Variants in PIWIL1 observed in about 807,000 individuals in gnomAD.
PIWIL1 encodes the protein piwi like RNA-mediated gene silencing 1, also known as piwi-like protein 1.
A neutral mutation model predicts 114.4 loss-of-function variants in PIWIL1; 73 were observed. The ratio of observed to expected loss-of-function variants is 0.64; its 90% CI spans 0.53 to 0.78. The LOEUF is 0.78. Among genes scored for constraint, PIWIL1 ranks in the 30% least tolerant of loss-of-function variants. The pLI, the probability that PIWIL1 is intolerant of heterozygous loss-of-function variation, is 0.00. For synonymous variants in PIWIL1, 375 were observed against 369.0 expected, an observed-to-expected ratio of 1.02 and a Z score of -0.19; for missense variants, 723 against 1,063.1, an observed-to-expected ratio of 0.68 and a Z score of 4.45.
chr12:130,360,990 A>G (rs2073494003), intron 14 of PIWIL1, among the ~76,000 whole-genome samples, 190 bp from the exon 15 acceptor site: 1 of 152,210 alleles, frequency 6.6e-6, no homozygotes, highest in Non-Finnish European at 1.5e-5. Flanking sequence ...TGCAATTATC[A>G]TTTAGTTGAA....
At chr12:130,391,321 C>T in the PIWIL1 span, among the ~76,000 whole-genome samples, 1 of 152,202 alleles carries the variant, frequency 6.6e-6, no homozygotes, top group South Asian at 2.1e-4. Context: ...TGGGGCCGTG[C>T]TCTCTCTCCT....
At chr12:130,395,295 C>CGAT in the PIWIL1 span, among the ~76,000 whole-genome samples, 1 of 152,170 alleles carries the variant, frequency 6.6e-6, no homozygotes. Flanking sequence ...TGGTTTTTCT[C>CGAT]TTATCATCAC....
At position 130,357,562 on chromosome 12, in the gene PIWIL1, C is replaced by T; in HGVS notation, c.1665+9C>T. On this transcript the variant is annotated intron_variant, in intron 14 of 20. Coordinates refer to ENST00000245255, the MANE Select transcript of PIWIL1 (RefSeq NM_004764.5). ...CAGCAGACACCCAGATAGTAAGTAA[C>T]TAATTGACATATAGGCAGTTTTCGG... 5.7e-6 allele frequency: 9 copies of T among 1,589,942 alleles called. No individual in the cohort carries two copies. Among genetic ancestry groups the T allele is most frequent in the Non-Finnish European group, 6.9e-6 (8 of 1,158,390 alleles).
At chr12:130,356,834 C>A in intron 12 of PIWIL1, 84 bp from the exon 13 acceptor site, 2 of 924,204 alleles carry the variant, frequency 2.2e-6, no homozygotes, top group Non-Finnish European at 3.2e-6. Context: ...TCAAAATATG[C>A]CATGGTAGAA....
chr12:130,414,081 G>A, the PIWIL1 span: 3 of 1,601,352 alleles, frequency 1.9e-6, no homozygotes, highest in South Asian at 1.1e-5. Context: ...ACCCAGACCC[G>A]CCTCAGGGGC....
chr12:130,382,415 A>G, the PIWIL1 span, among the ~76,000 whole-genome samples: 7 of 152,128 alleles, frequency 4.6e-5, no homozygotes, highest in African/African-American at 1.7e-4. Context: ...AAATACTTCA[A>G]CAAAAATTCC....
chr12:130,412,680 C>T, the PIWIL1 span: 1 of 1,613,924 alleles, frequency 6.2e-7, no homozygotes, highest in Non-Finnish European at 8.5e-7. Context: ...GATCCATCAT[C>T]TCCTCATCAT....
At chr12:130,388,570 T>C in the PIWIL1 span, among the ~76,000 whole-genome samples, 1 of 152,196 alleles carries the variant, frequency 6.6e-6, no homozygotes, top group African/African-American at 2.4e-5. Context: ...CGATTTTAGG[T>C]TTTACCATCC....
the PIWIL1 span, chr12:130,414,145 T>C: frequency 6.2e-7 from 1 of 1,614,110 alleles, no homozygotes; most frequent in Non-Finnish European, 8.5e-7. Flanking sequence ...TGGCCTTCTT[T>C]AAAGGGAAGC....
rs1284087233 is a variant in PIWIL1 at position 130,372,303 on chromosome 12, A to G, written c.*705A>G. ...GGGACATGATTCTATTTGTTATAAA[A>G]TAAAATTGATGTGATTGTCACCTTA... On this transcript the variant is annotated 3_prime_UTR_variant, in exon 21 of 21. Transcript: ENST00000245255. 1.3e-5 allele frequency: 2 copies of G among 152,236 alleles called. No homozygotes were observed. The highest frequency in any genetic ancestry group is 2.9e-5 in the Non-Finnish European group (2 of 68,034). 9.4% of individuals were successfully genotyped at this position (152,236 alleles called of 1,614,324 possible).
intron 1 of PIWIL1, among the ~76,000 whole-genome samples, chr12:130,338,457 C>T (rs1194022896): frequency 8.2e-5 from 2 of 24,478 alleles, no homozygotes; most frequent in East Asian, 9.8e-4. Flanking sequence ...ATGCAGGAGC[C>T]GGGTGCGGGG....
intron 1 of PIWIL1, among the ~76,000 whole-genome samples, chr12:130,338,746 G>C (rs2072795671): frequency 1.5e-5 from 2 of 137,804 alleles, no homozygotes; most frequent in Admixed American, 1.4e-4. Context: ...GGGAGATGCA[G>C]GAGCCTGGGG....
downstream of PIWIL1, among the ~76,000 whole-genome samples, chr12:130,374,910 C>T (rs761662812): frequency 1.3e-5 from 2 of 152,300 alleles, no homozygotes; most frequent in South Asian, 2.1e-4. Context: ...TTAACAAACT[C>T]GGCTTTCTCC....
At chr12:130,424,968 G>A in the PIWIL1 span, 5,153 of 570,672 alleles carry the variant, frequency 9.0e-3, 236 homozygotes, top group African/African-American at 0.09. The surrounding 1 kb of genome is among the most constrained non-coding windows in gnomAD (Gnocchi z 9.8). Context: ...TGGAGGCACC[G>A]AGGGGGGGGA....
At chr12:130,349,721 T>C in intron 8 of PIWIL1, 135 bp from the exon 9 acceptor site, 3 of 608,068 alleles carry the variant, frequency 4.9e-6, no homozygotes, top group Non-Finnish European at 8.6e-6. Flanking sequence ...TAAGAAACCC[T>C]GTTCCTTCTT....
intron 18 of PIWIL1, among the ~76,000 whole-genome samples, chr12:130,364,451 G>A (rs1313484474): frequency 6.6e-6 from 1 of 152,196 alleles, no homozygotes; most frequent in Admixed American, 6.5e-5. Flanking sequence ...CACACAATAA[G>A]TGTTTATCCC....
the PIWIL1 span, among the ~76,000 whole-genome samples, chr12:130,417,539 A>G: frequency 2.0e-5 from 3 of 152,210 alleles, no homozygotes; most frequent in Non-Finnish European, 4.4e-5. Flanking sequence ...CCACATAGAC[A>G]CGAAGATGGG....
chr12:130,426,241 A>G, the PIWIL1 span: 1 of 152,002 alleles, frequency 6.6e-6, no homozygotes, highest in African/African-American at 2.4e-5. Context: ...TGTAATTTCT[A>G]AAGAGAACCC....
rs776454826 is a variant in PIWIL1 at position 130,354,922 on chromosome 12, G to C, written c.1206G>C (p.Val402=). The part of the protein sequence containing the change: ...LTDKMRNDFN[V]MKDLAVHTRL... ...ATAAAATGCGTAATGATTTTAACGT[G>C]ATGAAAGACTTAGCCGTTCATACAA... is the stretch of plus-strand genomic sequence containing the variant. The change falls in exon 11 of 21, where the codon GTG becomes GTC. Residue 402 remains valine (V), a synonymous_variant. Transcript: ENST00000245255. 5.6e-6 allele frequency: 9 copies of C among 1,613,580 alleles called. No homozygotes were observed. Among genetic ancestry groups the C allele is most frequent in the Non-Finnish European group, 7.6e-6 (9 of 1,179,624 alleles).
Sources: allele counts gnomAD v4.1 joint callset (sites outside exome capture counted in the v4.1 genomes callset), GRCh38; gene constraint gnomAD v4.1.1; non-coding constraint Gnocchi (gnomAD v3.1); transcripts MANE v1.5; gene names NCBI Gene and HGNC (gene_info 2026-07-23, HGNC 2026-07-21).